Variants in DLGAP4 observed in about 807,000 individuals in gnomAD.
DLGAP4 encodes the protein disks large-associated protein 4.
Under a neutral mutation model 86.9 loss-of-function variants are expected in DLGAP4, and 18 were observed. The observed-to-expected ratio is 0.21, with a 90% CI of 0.14 to 0.31. DLGAP4 has a LOEUF of 0.31. Ranked by LOEUF, DLGAP4 falls within the 10% of genes least tolerant of loss-of-function variation. The probability of loss-of-function intolerance (pLI) is 1.00; values close to 1 mark genes in which losing one functional copy is unlikely to be tolerated. For missense variants in DLGAP4, 1,085 were observed against 1,362.6 expected (o/e 0.80, Z 3.21); for synonymous variants, 548 against 574.3 (o/e 0.95, Z 0.65).
At chr20:36,342,096 G>GC (rs1555892568) in intron 1 of DLGAP4, among the ~76,000 whole-genome samples, 1 of 152,158 alleles carries the variant, frequency 6.6e-6, no homozygotes, top group African/African-American at 2.4e-5. Flanking sequence ...TGTGCACATA[G>GC]CCCCCCACCA....
At chr20:36,494,078 C>T (rs571433411) in intron 7 of DLGAP4, among the ~76,000 whole-genome samples, 190 of 152,322 alleles carry the variant, frequency 1.2e-3, no homozygotes, top group African/African-American at 4.5e-3. Context: ...AGCTGTCCTT[C>T]TGCCTGTACA....
chr20:36,501,064 C>CA (rs2036123381), intron 10 of DLGAP4, among the ~76,000 whole-genome samples: 2 of 138,132 alleles, frequency 1.4e-5, no homozygotes, highest in African/African-American at 5.5e-5. Flanking sequence ...CCTTCAACAA[C>CA]TTTTTTTTTT....
rs1003786892 is a variant in DLGAP4 at position 36,322,219 on chromosome 20, T to C, written c.-304+15707T>C. On this transcript the variant is annotated intron_variant, in intron 1 of 12. Transcript: ENST00000339266. ...ACATTCCAGCAGAGGGAACTGCAAATGTGCAAACCCCGGGGTGTGAGGAAG... is the reference window on the plus strand; with the variant it reads ...ACATTCCAGCAGAGGGAACTGCAAACGTGCAAACCCCGGGGTGTGAGGAAG... Among the ~76,000 whole-genome samples the C allele has an allele frequency of 3.3e-5, 5 of 151,996 alleles. No homozygotes were observed. The South Asian group carries it at 1.0e-3, about 32-fold the overall frequency.
At chr20:36,313,606 G>A (rs947935192) in intron 1 of DLGAP4, among the ~76,000 whole-genome samples, 1 of 152,056 alleles carries the variant, frequency 6.6e-6, no homozygotes, top group Non-Finnish European at 1.5e-5. Flanking sequence ...CCTGCTGCTG[G>A]GGGGGCAGGG....
At chr20:36,365,236 C>CACCT (rs1460408252) in intron 1 of DLGAP4, among the ~76,000 whole-genome samples, 1 of 152,230 alleles carries the variant, frequency 6.6e-6, no homozygotes, top group Non-Finnish European at 1.5e-5. Flanking sequence ...GGGCACAGGC[C>CACCT]ACCTCCCTTG....
At chr20:36,418,536 T>C (rs1037238936) in intron 2 of DLGAP4, among the ~76,000 whole-genome samples, 3 of 152,198 alleles carry the variant, frequency 2.0e-5, no homozygotes, top group Admixed American at 6.5e-5. Context: ...CACACAAAGA[T>C]GAGTGCTGCG....
At position 36,350,172 on chromosome 20, in the gene DLGAP4, G is replaced by A. The variant is rs1459455051; in HGVS notation, c.-303-16873G>A. Among the ~76,000 whole-genome samples, 2 of 152,240 alleles carry A rather than the reference G, an allele frequency of 1.3e-5. No homozygotes were observed. The highest frequency in any genetic ancestry group is 2.9e-5 in the Non-Finnish European group (2 of 68,042). On this transcript the variant is annotated intron_variant, in intron 1 of 12. Transcript: ENST00000339266. This position sits in a 1 kb window ranked among gnomAD's most constrained non-coding sequence, Gnocchi z 4.4. ...ATCTGCACAGGGACCCAGAAGGCTGGCGGGTGCCAAGCCTGGATCGTCCCC... is the reference window on the plus strand; with the variant it reads ...ATCTGCACAGGGACCCAGAAGGCTGACGGGTGCCAAGCCTGGATCGTCCCC...
At chr20:36,516,534 C>T (rs538302631) in intron 10 of DLGAP4, among the ~76,000 whole-genome samples, 12 of 151,896 alleles carry the variant, frequency 7.9e-5, no homozygotes, top group African/African-American at 2.4e-4. Context: ...GGCGTGGTGG[C>T]GTGCACCTGT....
At chr20:36,446,587 G>A (rs1360692789) in intron 6 of DLGAP4, 110 bp from the exon 7 acceptor site, 1 of 1,036,928 alleles carries the variant, frequency 9.6e-7, no homozygotes, top group East Asian at 2.5e-5. Context: ...GGTGGGCTGA[G>A]GTCAGACCCC....
intron 1 of DLGAP4, among the ~76,000 whole-genome samples, chr20:36,332,534 C>T (rs1017836679): frequency 2.0e-5 from 3 of 151,948 alleles, no homozygotes; most frequent in East Asian, 3.9e-4. Flanking sequence ...GGACTACAGG[C>T]GCCCGCCACT....
At chr20:36,458,521 C>T (rs1369785424) in intron 7 of DLGAP4, among the ~76,000 whole-genome samples, 2 of 151,024 alleles carry the variant, frequency 1.3e-5, no homozygotes, top group African/African-American at 4.9e-5. Flanking sequence ...ACCACCGTGC[C>T]TGGCAAAACC....
intron 7 of DLGAP4, among the ~76,000 whole-genome samples, chr20:36,475,658 C>A (rs900873751): frequency 1.3e-5 from 2 of 152,120 alleles, no homozygotes; most frequent in Non-Finnish European, 2.9e-5. Flanking sequence ...AGATTGTAGG[C>A]AGATTATTAA....
At chr20:36,396,361 CG>C (rs1569484531) in intron 2 of DLGAP4, among the ~76,000 whole-genome samples, 51 of 34,510 alleles carry the variant, frequency 1.5e-3, no homozygotes, top group East Asian at 7.7e-3. Context: ...ACATACCACA[CG>C]CACATACACA....
intron 7 of DLGAP4, chr20:36,461,433 T>G (rs1186867730): frequency 2.2e-5 from 20 of 908,638 alleles, no homozygotes; most frequent in East Asian, 1.7e-4. Flanking sequence ...GCGGGGCAGG[T>G]GCGGGACTTT....
At chr20:36,525,254 A>C (rs1393736942) in intron 11 of DLGAP4, among the ~76,000 whole-genome samples, 57 of 62,546 alleles carry the variant, frequency 9.1e-4, no homozygotes, top group Middle Eastern at 8.9e-3. Flanking sequence ...AAAAAAAAAA[A>C]CAAAGAAATC....
chr20:36,461,331 C>T (rs867015242), intron 7 of DLGAP4: 2 of 448,724 alleles, frequency 4.5e-6, no homozygotes, highest in Non-Finnish European at 2.9e-6. Flanking sequence ...GCTGCGCGCG[C>T]CGGGCCACAT....
chr20:36,523,348 TG>T (rs1816779898), intron 10 of DLGAP4, among the ~76,000 whole-genome samples: 1 of 152,222 alleles, frequency 6.6e-6, no homozygotes, highest in Non-Finnish European at 1.5e-5. Flanking sequence ...CTTGTATTCC[TG>T]GGTTAAAGAG....
intron 10 of DLGAP4, among the ~76,000 whole-genome samples, chr20:36,505,225 G>A (rs903583364): frequency 6.6e-6 from 1 of 151,946 alleles, no homozygotes; most frequent in Middle Eastern, 3.2e-3. Context: ...CTGACCTCAT[G>A]ATCTGCCTGC....
intron 2 of DLGAP4, among the ~76,000 whole-genome samples, chr20:36,389,390 C>T (rs78800287): frequency 3.2e-4 from 49 of 152,138 alleles, no homozygotes; most frequent in Non-Finnish European, 6.2e-4. Flanking sequence ...ACTTACTTTC[C>T]CTGTGCCTCT....
Sources: gnomAD v4.1 joint callset for allele counts (sites outside exome capture counted in the v4.1 genomes callset) on GRCh38, gnomAD v4.1.1 for gene constraint, Gnocchi (gnomAD v3.1) non-coding constraint, MANE v1.5 for transcripts, NCBI Gene and HGNC (gene_info 2026-07-23, HGNC 2026-07-21) for gene names.